Variants in OPLAH observed in about 807,000 individuals in gnomAD.
The protein encoded by OPLAH is 5-oxoprolinase, ATP-hydrolysing, also known as 5-oxoprolinase.
OPLAH carries 103 observed loss-of-function variants against 122.8 expected under a neutral mutation model. That is an observed-to-expected ratio of 0.84 (90% CI 0.71 to 0.99). The LOEUF is 0.99. Ranked by LOEUF, OPLAH falls within the 50% of genes least tolerant of loss-of-function variation. The pLI, the probability that OPLAH is intolerant of heterozygous loss-of-function variation, is 0.00. For missense variants in OPLAH, 1,902 were observed against 1,836.5 expected (o/e 1.04, Z -0.65); for synonymous variants, 875 against 796.0 (o/e 1.10, Z -1.67).
upstream of OPLAH, among the ~76,000 whole-genome samples, chr8:144,062,018 CAAAA>C (rs1360761983): frequency 3.3e-5 from 2 of 60,304 alleles, no homozygotes. Flanking sequence ...GACTCCGTCT[CAAAA>C]AAAAAAAAAA....
Position 144,056,439 on chromosome 8 carries a change from A to T in OPLAH, c.1929T>A (p.Gly643=). The change falls in exon 14 of 27, where the codon GGT becomes GGA. Residue 643 remains glycine (G), a synonymous_variant. Transcript: ENST00000618853. ...CTTTGGGGGCATCCTCGAGGCGAAG[A>T]CCACTGCGGCCGGTGCCCCGCACTC... ...DVRVRGTGRS[G]LRLEDAPKAQ... The T allele has an allele frequency of 6.2e-7, 1 of 1,610,236 alleles. No homozygotes were observed. Among genetic ancestry groups the T allele is most frequent in the Non-Finnish European group, 8.5e-7 (1 of 1,178,888 alleles).
Position 144,053,044 on chromosome 8 carries a change from G to A in OPLAH, c.2957C>T (p.Ser986Leu), listed in dbSNP as rs1332726078. 1.9e-5 allele frequency: 30 copies of A among 1,603,076 alleles called. No homozygotes were observed. The highest frequency in any genetic ancestry group is 1.6e-4 in the Middle Eastern group (1 of 6,062). Residue 986 changes from serine (S) to leucine (L), a missense_variant, in exon 21 of 27, where the codon TCG becomes TTG. Coordinates refer to ENST00000618853, the MANE Select transcript of OPLAH (RefSeq NM_017570.5). The stretch of plus-strand genomic sequence containing the variant: ...GGAACCGTCGTCCATGTGGTCTTCC[G>A]AGGACACCTCCAGGGGCAGGCCCCG... ...QARGLPLEVSSEDHMDDGSPI... is the reference protein window; with the variant it reads ...QARGLPLEVSLEDHMDDGSPI...
rs1835486826 is a variant in OPLAH at position 144,055,346 on chromosome 8, G to A, written c.2249-157C>T. Among the ~76,000 whole-genome samples, 2 of 151,846 alleles carry A rather than the reference G, an allele frequency of 1.3e-5. No homozygotes were observed. The highest frequency in any genetic ancestry group is 4.2e-4 in the South Asian group (2 of 4,816). On this transcript the variant is annotated intron_variant, in intron 16 of 26. Coordinates refer to ENST00000618853, the MANE Select transcript of OPLAH (RefSeq NM_017570.5). This position sits in a 1 kb window ranked among gnomAD's most constrained non-coding sequence, Gnocchi z 6.5. ...GACCAAGTTGACGGTGTGCCCACTT[G>A]GCCACGTCTTAGCCTATGTAAAGGA...
In OPLAH at chr8:144,056,396, G is replaced by A. The variant is rs782702109; in HGVS notation, c.1972C>T (p.Arg658Trp). 4.5e-5 allele frequency: 72 copies of A among 1,604,730 alleles called. No individual in the cohort carries two copies. The highest frequency in any genetic ancestry group is 1.7e-4 in the South Asian group (15 of 90,318). Residue 658 changes from arginine to tryptophan, a missense_variant, in exon 14 of 27, where the codon CGG (arginine) becomes TGG (tryptophan). Arg to Trp is a moderately radical substitution (Grantham distance 101, BLOSUM62 -3). Around this residue, in one of 3 missense-constraint regions of OPLAH, gnomAD observed 1,726 missense variants for 1,642.1 expected, o/e 1.05. Coordinates refer to ENST00000618853, the MANE Select transcript of OPLAH (RefSeq NM_017570.5). ...GCAGGACCACCAACCTTGTCCACCC[G>A]GGGAGGCCCGGTCTGGGCTTTGGGG... ...DAPKAQTGPP[R>W]VDKMTQCYFE...
In OPLAH at chr8:144,058,883, G is replaced by A; in HGVS notation, c.477C>T (p.Asp159=). ...TGTPVKGRTG[D]LLEVQQPVDL... The stretch of plus-strand genomic sequence containing the variant: ...CCACAGGCTGCTGCACTTCCAGCAG[G>A]TCCCCCGTGCGGCCTTCCAGAAAAG... The change falls in exon 5 of 27, where the codon GAC becomes GAT. Residue 159 remains aspartate (D), a synonymous_variant. Coordinates refer to ENST00000618853, the MANE Select transcript of OPLAH (RefSeq NM_017570.5). 1 of 1,552,736 alleles carries A rather than the reference G, an allele frequency of 6.4e-7. No homozygotes were observed.
chr8:144,053,336 T>C lies in OPLAH; in HGVS notation c.2744A>G (p.Asn915Ser). ...GAGGTCCGACAGGTTGTCGTGCAGG[T>C]TTCTGGTTCCGCTGCAGTTGGGGAC... ...GKVPNCSGTRNLHDNLSDLRA... is the reference protein window; with the variant it reads ...GKVPNCSGTRSLHDNLSDLRA... Residue 915 changes from asparagine to serine, a missense_variant, in exon 20 of 27, where the codon AAC becomes AGC. Physicochemically the swap from Asn to Ser is conservative, Grantham distance 46 (BLOSUM62 1). Transcript: ENST00000618853. The C allele has an allele frequency of 6.2e-7, 1 of 1,612,838 alleles. No homozygotes were observed. Among genetic ancestry groups the C allele is most frequent in the African/African-American group, 1.3e-5 (1 of 74,994 alleles).
downstream of OPLAH, chr8:144,050,835 C>T (rs782290926): frequency 1.0e-6 from 1 of 991,954 alleles, no homozygotes; most frequent in Non-Finnish European, 1.2e-6. Flanking sequence ...AGTCCATGGC[C>T]TCCTCCCCCA....
chr8:144,050,525 G>A, downstream of OPLAH: 3 of 985,530 alleles, frequency 3.0e-6, no homozygotes, highest in South Asian at 4.7e-5. Context: ...CCGCGCGCCC[G>A]CCTCTCTCTG....
rs1296749814 is a variant in OPLAH at position 144,053,265 on chromosome 8, C to A, written c.2815G>T (p.Glu939Ter). ...TCCAGGCCGTACTGCCCAATGAGCT[C>A]CCCCACCAGCTGGATGCCCTTCTGG... ...ANQKGIQLVGELIGQYGLDVV... is the reference protein window; with the variant it reads ...ANQKGIQLVG The change falls in exon 20 of 27, where the codon GAG becomes TAG. Residue 939 changes from glutamate (E) to a stop codon, truncating the protein, a stop_gained. Transcript: ENST00000618853. LOFTEE classifies it high-confidence loss of function. The A allele has an allele frequency of 6.2e-7, 1 of 1,612,892 alleles. No homozygotes were observed. The highest frequency in any genetic ancestry group is 8.5e-7 in the Non-Finnish European group (1 of 1,179,830).
chr8:144,054,624 G>A lies in OPLAH; in HGVS notation c.2623C>T (p.Gln875Ter), dbSNP rs1195053293. ...GSMPPHSTML[Q>*]QEGAVFLSFK... Reference sequence around the variant, plus strand: ...GACAGAAAGACGGCACCCTCCTGTTGCAGCATGGTGGAGTGGGGGGGCATG... The same window carrying A: ...GACAGAAAGACGGCACCCTCCTGTTACAGCATGGTGGAGTGGGGGGGCATG... The change falls in exon 19 of 27, where the codon CAA becomes TAA. Residue 875 changes from glutamine to a stop codon, truncating the protein, a stop_gained. Coordinates refer to ENST00000618853, the MANE Select transcript of OPLAH (RefSeq NM_017570.5). LOFTEE classifies it high-confidence loss of function. The A allele has an allele frequency of 1.5e-5, 24 of 1,610,056 alleles. No homozygotes were observed. Among genetic ancestry groups the A allele is most frequent in the Non-Finnish European group, 2.0e-5 (23 of 1,177,748 alleles).
At chr8:144,050,352 C>G (rs1554757432), downstream of OPLAH, 2 of 967,030 alleles carry the variant, frequency 2.1e-6, no homozygotes, top group Non-Finnish European at 2.4e-6. Context: ...TGGACTGGGC[C>G]GAGAAGTTTG....
In OPLAH at chr8:144,059,884, C is replaced by T. The variant is rs1554760484; in HGVS notation, c.149G>A (p.Gly50Asp). 6 of 1,612,648 alleles carry T rather than the reference C, an allele frequency of 3.7e-6. No individual in the cohort carries two copies. The highest frequency in any genetic ancestry group is 5.1e-6 in the Non-Finnish European group (6 of 1,179,828). ...CACCTGCTCCAGGATGCGGCGGATG[C>T]CTTCGGTTGGCGCGTCCGCATAGTT... is the stretch of plus-strand genomic sequence containing the variant. ...PANYADAPTE[G>D]IRRILEQEAG... The change falls in exon 2 of 27, where the codon GGC (glycine) becomes GAC (aspartate). Residue 50 changes from glycine to aspartate, a missense_variant. By Grantham distance (94) the Gly-to-Asp change is moderately conservative. This residue lies in a region of OPLAH where 168 missense variants were observed against 170.6 expected (regional missense o/e 0.98). Coordinates refer to ENST00000618853, the MANE Select transcript of OPLAH (RefSeq NM_017570.5).
At chr8:144,054,252 G>GCACA (rs1400737744) in intron 19 of OPLAH, among the ~76,000 whole-genome samples, 57 of 152,074 alleles carry the variant, frequency 3.7e-4, no homozygotes, top group Non-Finnish European at 7.6e-4. Context: ...CAGTATGACT[G>GCACA]CACACACCAC....
chr8:144,060,070 G>A lies in OPLAH; in HGVS notation c.-38C>T. ...GGAGTCCCACAGGAGCTCTTCAGCT[G>A]GTAGCCCTGGAAAAACTGGACGGAG... On this transcript the variant is annotated 5_prime_UTR_variant, in exon 2 of 27. Transcript: ENST00000618853. 6.3e-7 allele frequency: 1 copy of A among 1,589,660 alleles called. No individual in the cohort carries two copies. Among genetic ancestry groups the A allele is most frequent in the Non-Finnish European group, 8.6e-7 (1 of 1,167,732 alleles).
At position 144,055,280 on chromosome 8, in the gene OPLAH, C is replaced by G. The variant is rs559444784; in HGVS notation, c.2249-91G>C. ...GGAACAGGACCCACCAGGACTCAAA[C>G]CCAGGACCCAGGAAAAACCCAGCAG... On this transcript the variant is annotated intron_variant, in intron 16 of 26. Transcript: ENST00000618853. The surrounding 1 kb of genome is among the most constrained non-coding windows in gnomAD (Gnocchi z 6.5). 2.1e-5 allele frequency: 28 copies of G among 1,322,954 alleles called. No individual in the cohort carries two copies. The highest frequency in any genetic ancestry group is 2.8e-5 in the Non-Finnish European group (28 of 1,009,404). 82.0% of individuals were successfully genotyped at this position (1,322,954 alleles called of 1,614,324 possible).
Position 144,054,678 on chromosome 8 carries a change from C to T in OPLAH, c.2569G>A (p.Ala857Thr), listed in dbSNP as rs1173679222. The change falls in exon 19 of 27, where the codon GCA becomes ACA. Residue 857 changes from alanine to threonine, a missense_variant. Transcript: ENST00000618853. The part of the protein sequence containing the change: ...VFYVASRGHH[A>T]DIGGITPGSM... ...CCTGGTGTGATGCCCCCGATGTCTG[C>T]GTGGTGCCCTCGGCTGGCCACATAG... 6 of 1,612,366 alleles carry T rather than the reference C, an allele frequency of 3.7e-6. No homozygotes were observed. Among genetic ancestry groups the T allele is most frequent in the East Asian group, 2.2e-5 (1 of 44,868 alleles).
chr8:144,056,518 A>G lies in OPLAH; in HGVS notation c.1850T>C (p.Met617Thr), dbSNP rs370801470. The change falls in exon 14 of 27, where the codon ATG (methionine) becomes ACG (threonine). Residue 617 changes from methionine (M) to threonine (T), a missense_variant. Physicochemically the swap from Met to Thr is moderately conservative, Grantham distance 81. Transcript: ENST00000618853. ...AGGTATGACAAAGCCAAACTCCCTC[A>G]TGTACCTGCACTCCCCGCGGGGACC... Reference protein sequence around the residue: ...DFGAAFVERYMREFGFVIPER... With the variant: ...DFGAAFVERYTREFGFVIPER... 172 of 1,611,820 alleles carry G rather than the reference A, an allele frequency of 1.1e-4. No individual in the cohort carries two copies. The highest frequency in any genetic ancestry group is 1.4e-4 in the Non-Finnish European group (160 of 1,179,496).
upstream of OPLAH, among the ~76,000 whole-genome samples, chr8:144,062,571 C>G (rs1204873894): frequency 6.6e-6 from 1 of 152,080 alleles, no homozygotes; most frequent in African/African-American, 2.4e-5. Flanking sequence ...GCGGGACTGC[C>G]CTGCCTTCTG....
intron 3 of OPLAH, 63 bp downstream of exon 3, chr8:144,059,536 G>A (rs782171434): frequency 4.6e-6 from 7 of 1,508,042 alleles, no homozygotes; most frequent in East Asian, 4.6e-5. Context: ...CTCCCCACAG[G>A]GTCAAGGCAT....
Sources: allele counts gnomAD v4.1 joint callset (sites outside exome capture counted in the v4.1 genomes callset), GRCh38; gene constraint gnomAD v4.1.1; regional missense constraint gnomAD v4.1.1; non-coding constraint Gnocchi (gnomAD v3.1); transcripts MANE v1.5; gene names NCBI Gene and HGNC (gene_info 2026-07-23, HGNC 2026-07-21).